The following EYS variants were observed in gnomAD, a reference collection of about 807,000 sequenced individuals.
EYS encodes protein eyes shut homolog.
In EYS, 250 loss-of-function variants were observed where a neutral mutation model predicts 282.1. The observed-to-expected ratio is 0.89, with a 90% CI of 0.80 to 0.98. The LOEUF is 0.98. EYS is among the 50% of genes least tolerant of loss of function. The probability of loss-of-function intolerance (pLI) is 0.00; values close to 1 mark genes in which losing one functional copy is unlikely to be tolerated. For missense variants in EYS, 4,016 were observed against 3,709.0 expected (o/e 1.08, Z -2.15); for synonymous variants, 1,355 against 1,282.9 (o/e 1.06, Z -1.20).
At chr6:65,316,816 T>C (rs1769306945) in intron 11 of EYS, among the ~76,000 whole-genome samples, 2 of 152,180 alleles carry the variant, frequency 1.3e-5, no homozygotes, top group Admixed American at 1.3e-4. Context: ...AACTCATCCT[T>C]TGTTGTGGCT....
intron 7 of EYS, among the ~76,000 whole-genome samples, chr6:65,399,362 A>G (rs1562152047): frequency 6.6e-6 from 1 of 152,008 alleles, no homozygotes; most frequent in East Asian, 1.9e-4. Context: ...AAGACCTTCC[A>G]TTTCAATCAG....
At chr6:65,465,495 A>G (rs1764968937) in intron 5 of EYS, among the ~76,000 whole-genome samples, 1 of 152,050 alleles carries the variant, frequency 6.6e-6, no homozygotes, top group African/African-American at 2.4e-5. Context: ...AAACAAACAA[A>G]CACCAACCAA....
At chr6:63,734,199 A>G (rs988217376) in intron 41 of EYS, among the ~76,000 whole-genome samples, 7 of 152,134 alleles carry the variant, frequency 4.6e-5, no homozygotes, top group African/African-American at 1.4e-4. Context: ...ACTGGGTTCA[A>G]TTGTACCTCC....
intron 5 of EYS, among the ~76,000 whole-genome samples, chr6:65,462,893 T>A (rs553523111): frequency 6.6e-6 from 1 of 152,252 alleles, no homozygotes; most frequent in South Asian, 2.1e-4. Flanking sequence ...TTGGCTGAAT[T>A]TTTTTCTATA....
intron 22 of EYS, among the ~76,000 whole-genome samples, chr6:64,633,626 CAAAA>C (rs58815312): frequency 1.4e-4 from 19 of 140,564 alleles, no homozygotes; most frequent in Admixed American, 2.8e-4. Flanking sequence ...CTTTTCTCAG[CAAAA>C]AAAAAAAAAA....
At chr6:64,443,258 C>G (rs558805086) in intron 26 of EYS, among the ~76,000 whole-genome samples, 2 of 152,228 alleles carry the variant, frequency 1.3e-5, no homozygotes, top group Admixed American at 6.5e-5. Context: ...TTGGTTTTGG[C>G]CAAGTTTTCC....
intron 26 of EYS, among the ~76,000 whole-genome samples, chr6:64,454,141 C>T (rs1775472506): frequency 6.6e-6 from 1 of 152,042 alleles, no homozygotes; most frequent in African/African-American, 2.4e-5. Flanking sequence ...ACATACAAAA[C>T]AATCATCCTT....
chr6:64,375,880 C>A (rs1301803337), intron 29 of EYS, among the ~76,000 whole-genome samples: 2 of 151,946 alleles, frequency 1.3e-5, no homozygotes, highest in Admixed American at 6.6e-5. Context: ...GATACCAAAT[C>A]AATGCAAGAG....
chr6:64,909,048 C>T (rs1443643469), intron 16 of EYS, among the ~76,000 whole-genome samples: 1 of 152,106 alleles, frequency 6.6e-6, no homozygotes, highest in Admixed American at 6.6e-5. Context: ...CCTCCTGTCA[C>T]TATCAAAAGC....
intron 5 of EYS, among the ~76,000 whole-genome samples, chr6:65,471,456 G>A (rs1765215928): frequency 1.3e-5 from 2 of 151,946 alleles, no homozygotes; most frequent in Non-Finnish European, 2.9e-5. Context: ...GATAAATGAC[G>A]ATGAATTCTG....
At chr6:65,395,683 A>G (rs1766254742) in intron 7 of EYS, among the ~76,000 whole-genome samples, 1 of 152,018 alleles carries the variant, frequency 6.6e-6, no homozygotes, top group South Asian at 2.1e-4. Context: ...GTTTGTACAT[A>G]TTTATGAGAT....
chr6:64,386,765 C>T (rs962065953), intron 29 of EYS, among the ~76,000 whole-genome samples: 5 of 152,088 alleles, frequency 3.3e-5, no homozygotes, highest in Non-Finnish European at 7.3e-5. Flanking sequence ...TTTTTAAGTT[C>T]AATAGCATTC....
intron 22 of EYS, among the ~76,000 whole-genome samples, chr6:64,806,063 A>T (rs958153960): frequency 1.3e-5 from 2 of 151,630 alleles, no homozygotes; most frequent in Admixed American, 6.6e-5. Flanking sequence ...AGAATACATT[A>T]AAAAATCAAA....
chr6:64,907,326 A>T (rs533815590), intron 16 of EYS, among the ~76,000 whole-genome samples: 1 of 152,296 alleles, frequency 6.6e-6, no homozygotes, highest in East Asian at 1.9e-4. Flanking sequence ...CTGTGATTAC[A>T]AGTGTGAGCT....
chr6:63,900,777 G>A (rs765405452), intron 35 of EYS, among the ~76,000 whole-genome samples: 6 of 152,114 alleles, frequency 3.9e-5, no homozygotes, highest in Non-Finnish European at 7.3e-5. Context: ...ACAAATACAG[G>A]AATGACCTAC....
chr6:63,909,676 G>A (rs1773865838), intron 35 of EYS, among the ~76,000 whole-genome samples: 1 of 152,170 alleles, frequency 6.6e-6, no homozygotes, highest in African/African-American at 2.4e-5. Context: ...AGAGCTGCTT[G>A]TTAAACCTTT....
chr6:65,493,550 G>A (rs1329511043), intron 4 of EYS, among the ~76,000 whole-genome samples: 1 of 152,082 alleles, frequency 6.6e-6, no homozygotes, highest in Non-Finnish European at 1.5e-5. Flanking sequence ...AGCTTTAAAT[G>A]TTCCCTACAT....
intron 22 of EYS, among the ~76,000 whole-genome samples, chr6:64,718,853 G>A (rs973917884): frequency 1.3e-5 from 2 of 152,134 alleles, no homozygotes; most frequent in Non-Finnish European, 2.9e-5. Flanking sequence ...CTCCCTGAAG[G>A]TATCCACACA....
At chr6:65,705,147 A>G (rs982297493) in intron 1 of EYS, among the ~76,000 whole-genome samples, 3 of 152,178 alleles carry the variant, frequency 2.0e-5, no homozygotes. Flanking sequence ...AGTTACTATG[A>G]GCCTCTGCAA....
Sources: gnomAD v4.1 joint callset for allele counts (sites outside exome capture counted in the v4.1 genomes callset) on GRCh38, gnomAD v4.1.1 for gene constraint, MANE v1.5 for transcripts, NCBI Gene and HGNC (gene_info 2026-07-23, HGNC 2026-07-21) for gene names.